PCDHGA3: variants seen among roughly 807,000 people sequenced by gnomAD.
PCDHGA3 encodes protocadherin gamma subfamily A, 3, also known as protocadherin gamma-A3.
PCDHGA3 carries 40 observed loss-of-function variants against 58.5 expected under a neutral mutation model. The observed-to-expected ratio is 0.68, with a 90% CI of 0.53 to 0.89. The LOEUF is 0.89. Ranked by LOEUF, PCDHGA3 falls within the 40% of genes least tolerant of loss-of-function variation. PCDHGA3 has a pLI of 0.00. For missense variants in PCDHGA3, 1,223 were observed against 1,195.9 expected (o/e 1.02, Z -0.33); for synonymous variants, 530 against 525.7 (o/e 1.01, Z -0.11).
Position 141,343,982 on chromosome 5 carries a change from C to T in PCDHGA3, c.-52C>T. The T allele has an allele frequency of 1.4e-6, 2 of 1,421,238 alleles. No homozygotes were observed. Among genetic ancestry groups the T allele is most frequent in the African/African-American group, 1.4e-5 (1 of 69,518 alleles). The allele number at this position is 1,421,238 out of a possible 1,614,324, so 88.0% of individuals were successfully genotyped here. On this transcript the variant is annotated 5_prime_UTR_variant, in exon 1 of 4. Transcript: ENST00000253812. ...TTCTTGAGAAAATAAGATTGGAGTC[C>T]GTCGTAGGAAACTGGAACCGAATTC...
At chr5:141,411,982 A>T (rs2154543855) in intron 1 of PCDHGA3, 1 of 152,346 alleles carries the variant, frequency 6.6e-6, no homozygotes, top group East Asian at 1.9e-4. Context: ...AGAGTTCTAT[A>T]CTTGGAAGGC....
chr5:141,409,256 C>G (rs1212394349), intron 1 of PCDHGA3: 2 of 1,613,918 alleles, frequency 1.2e-6, no homozygotes, highest in African/African-American at 2.7e-5. Context: ...CATCACTTCT[C>G]TCTCTGATCA....
Position 141,345,196 on chromosome 5 carries a change from G to A in PCDHGA3, c.1163G>A (p.Gly388Glu). The A allele has an allele frequency of 6.2e-7, 1 of 1,613,980 alleles. No homozygotes were observed. Among genetic ancestry groups the A allele is most frequent in the African/African-American group, 1.3e-5 (1 of 75,018 alleles). The change falls in exon 1 of 4, where the codon GGA becomes GAA. Residue 388 changes from glycine to glutamate, a missense_variant. Physicochemically the swap from Gly to Glu is moderately conservative, Grantham distance 98. Transcript: ENST00000253812. ...QNGQVEVFVLGNLPFKLEKSI... is the reference protein window; with the variant it reads ...QNGQVEVFVLENLPFKLEKSI... Reference sequence around the variant, plus strand: ...GGGCAGGTTGAAGTTTTTGTCCTGGGAAATCTGCCATTTAAGTTAGAAAAA... The same window carrying A: ...GGGCAGGTTGAAGTTTTTGTCCTGGAAAATCTGCCATTTAAGTTAGAAAAA...
rs746046310 is a variant in PCDHGA3, at chr5:141,410,427, A to C, written c.2424+63970A>C. The C allele has an allele frequency of 1.9e-6, 3 of 1,613,714 alleles. No homozygotes were observed. The Admixed American group carries it at 5.0e-5, about 27-fold the overall frequency. On this transcript the variant is annotated intron_variant, in intron 1 of 3. Coordinates refer to ENST00000253812, the MANE Select transcript of PCDHGA3 (RefSeq NM_018916.4). ...AAGTCTGGACCTGTAGTTCCCCCCA[A>C]CTACAGTGAGGGGACTTTGCCTTAT...
chr5:141,431,724 T>G lies in PCDHGA3; in HGVS notation c.2425-63083T>G, dbSNP rs758754345. On this transcript the variant is annotated intron_variant, in intron 1 of 3. Transcript: ENST00000253812. The surrounding 1 kb of genome is among the most constrained non-coding windows in gnomAD (Gnocchi z 4.8). ...TTCTACCAGATGGAAGTGCAAGCAA[T>G]GGATAATGCAGGATATTCTGCGCGA... 1 of 1,614,036 alleles carries G rather than the reference T, an allele frequency of 6.2e-7. No individual in the cohort carries two copies. Among genetic ancestry groups the G allele is most frequent in the Non-Finnish European group, 8.5e-7 (1 of 1,180,036 alleles).
In PCDHGA3 at chr5:141,345,814, T is replaced by C. The variant is rs1366934477; in HGVS notation, c.1781T>C (p.Val594Ala). 1 of 1,613,426 alleles carries C rather than the reference T, an allele frequency of 6.2e-7. No individual in the cohort carries two copies. Among genetic ancestry groups the C allele is most frequent in the Non-Finnish European group, 8.5e-7 (1 of 1,179,986 alleles). ...PGYLVTKVVA[V>A]DRDSGQNAWL... ...TACCTGGTGACCAAGGTGGTGGCGG[T>C]GGACAGAGACTCGGGCCAGAACGCC... Residue 594 changes from valine to alanine, a missense_variant, in exon 1 of 4, where the codon GTG becomes GCG. Val to Ala is a moderately conservative substitution (Grantham distance 64). Transcript: ENST00000253812.
chr5:141,376,188 G>A (rs1772391716), intron 1 of PCDHGA3: 2 of 1,614,124 alleles, frequency 1.2e-6, no homozygotes, highest in South Asian at 2.2e-5. Context: ...GCGGTCTCCT[G>A]CGTCTTCCTG....
intron 1 of PCDHGA3, chr5:141,422,543 T>A: frequency 3.1e-6 from 5 of 1,614,000 alleles, no homozygotes; most frequent in Non-Finnish European, 4.2e-6. Flanking sequence ...GAAACTCATG[T>A]CTGGCTGAAT....
chr5:141,424,878 G>A (rs1455273258), intron 1 of PCDHGA3, among the ~76,000 whole-genome samples: 2 of 152,162 alleles, frequency 1.3e-5, no homozygotes, highest in African/African-American at 4.8e-5. Context: ...GAGGAAAGGA[G>A]ACTTATCTAG....
rs755304704 is a variant in PCDHGA3, at chr5:141,360,490, A to G, written c.2424+14033A>G. 2.5e-6 allele frequency: 4 copies of G among 1,614,010 alleles called. No individual in the cohort carries two copies. The South Asian group carries it at 3.3e-5, about 13-fold the overall frequency. On this transcript the variant is annotated intron_variant, in intron 1 of 3. Coordinates refer to ENST00000253812, the MANE Select transcript of PCDHGA3 (RefSeq NM_018916.4). ...TGAAAATCCACTAAATATTTTCTACATAGCAGTAATTGTGCAGGATATAAA... is the reference window on the plus strand; with the variant it reads ...TGAAAATCCACTAAATATTTTCTACGTAGCAGTAATTGTGCAGGATATAAA...
chr5:141,371,035 C>T (rs1277378735), intron 1 of PCDHGA3: 1 of 1,614,000 alleles, frequency 6.2e-7, no homozygotes, highest in Non-Finnish European at 8.5e-7. Context: ...GTCCTCACAG[C>T]TGTGGATGGG....
chr5:141,399,055 G>C, intron 1 of PCDHGA3: 1 of 1,613,844 alleles, frequency 6.2e-7, no homozygotes, highest in Non-Finnish European at 8.5e-7. Context: ...AGAGACCAAG[G>C]AATATTCAAT....
intron 1 of PCDHGA3, chr5:141,410,302 A>C: frequency 1.2e-6 from 2 of 1,613,356 alleles, no homozygotes; most frequent in Non-Finnish European, 1.7e-6. Flanking sequence ...CCTTAATCTC[A>C]GTGCTCTTCC....
intron 2 of PCDHGA3, among the ~76,000 whole-genome samples, chr5:141,499,297 T>A (rs1449576891): frequency 1.3e-5 from 2 of 152,036 alleles, no homozygotes; most frequent in Non-Finnish European, 2.9e-5. Flanking sequence ...CACACTACCA[T>A]CCCTCCTCTG....
chr5:141,378,181 C>G (rs183481155), intron 1 of PCDHGA3: 2 of 152,302 alleles, frequency 1.3e-5, no homozygotes, highest in Admixed American at 6.5e-5. Flanking sequence ...AGCACCGATG[C>G]TGTGTGCCTA....
At position 141,491,305 on chromosome 5, in the gene PCDHGA3, G is replaced by T. The variant is rs1461861151; in HGVS notation, c.2425-3502G>T. 6.2e-7 allele frequency: 1 copy of T among 1,614,176 alleles called. No homozygotes were observed. Among genetic ancestry groups the T allele is most frequent in the African/African-American group, 1.3e-5 (1 of 75,048 alleles). ...CCTCATACACCCTCCTGAGCGTTCA[G>T]ACCTTACCCTTTACCTCATTGTGGC... On this transcript the variant is annotated intron_variant, in intron 1 of 3. Coordinates refer to ENST00000253812, the MANE Select transcript of PCDHGA3 (RefSeq NM_018916.4). This position sits in a 1 kb window ranked among gnomAD's most constrained non-coding sequence, Gnocchi z 6.9.
intron 1 of PCDHGA3, chr5:141,415,314 C>G (rs375384840): frequency 1.9e-6 from 3 of 1,614,238 alleles, no homozygotes; most frequent in South Asian, 1.1e-5. Context: ...CCTTCGTCAT[C>G]GTGCTGCTGG....
chr5:141,372,648 T>C, intron 1 of PCDHGA3: 1 of 1,614,024 alleles, frequency 6.2e-7, no homozygotes, highest in Non-Finnish European at 8.5e-7. Flanking sequence ...GCCTTATTCC[T>C]ACAATCCGTG....
chr5:141,384,354 C>T (rs1437330360), intron 1 of PCDHGA3: 13 of 1,613,844 alleles, frequency 8.1e-6, no homozygotes, highest in Non-Finnish European at 1.0e-5. Context: ...AGGATAATGC[C>T]CAGATCACTT....
Sources: gnomAD v4.1 joint callset for allele counts (sites outside exome capture counted in the v4.1 genomes callset) on GRCh38, gnomAD v4.1.1 for gene constraint, Gnocchi (gnomAD v3.1) non-coding constraint, MANE v1.5 for transcripts, NCBI Gene and HGNC (gene_info 2026-07-23, HGNC 2026-07-21) for gene names.